The following RORA variants were observed in gnomAD, a reference collection of about 807,000 sequenced individuals.
The protein encoded by RORA is nuclear receptor ROR-alpha.
A neutral mutation model predicts 69.5 loss-of-function variants in RORA; 7 were observed. That is an observed-to-expected ratio of 0.10 (90% CI 0.06 to 0.19). The LOEUF is 0.19. Among genes scored for constraint, RORA ranks in the 10% least tolerant of loss-of-function variants. RORA has a pLI of 1.00. For missense variants in RORA, 457 were observed against 663.0 expected (o/e 0.69, Z 3.41); for synonymous variants, 261 against 240.8 (o/e 1.08, Z -0.78).
chr15:61,013,158 T>C (rs1220961215), intron 1 of RORA, among the ~76,000 whole-genome samples: 3 of 152,236 alleles, frequency 2.0e-5, no homozygotes, highest in Non-Finnish European at 4.4e-5. Flanking sequence ...TCACTTTACT[T>C]TTCTGAGCCT....
chr15:61,023,801 CTTCCTT>C (rs1274896688), intron 1 of RORA, among the ~76,000 whole-genome samples: 1 of 152,216 alleles, frequency 6.6e-6, no homozygotes, highest in Non-Finnish European at 1.5e-5. Context: ...ATCCCAACTT[CTTCCTT>C]TTCATCATTT....
rs143028006 is a variant in RORA, at chr15:60,842,438, G to A, written c.167-163752C>T. Among the ~76,000 whole-genome samples, 965 of 152,242 alleles carry A rather than the reference G, an allele frequency of 6.3e-3. 12 individuals are homozygous for A. The highest frequency in any genetic ancestry group is 0.022 in the African/African-American group (919 of 41,530). ...CAAAGCTACCATTTATGATTTATGG[G>A]CCACTTAGTACACATCAGATACAGC... On this transcript the variant is annotated intron_variant, in intron 1 of 10. Coordinates refer to ENST00000335670, the MANE Select transcript of RORA (RefSeq NM_134261.3).
intron 5 of RORA, 55 bp from the exon 6 acceptor site, chr15:60,505,684 G>C (rs2065477731): frequency 1.3e-6 from 2 of 1,590,310 alleles, no homozygotes; most frequent in Non-Finnish European, 1.7e-6. Context: ...TTGAATAATT[G>C]GTGATTTAAT....
At chr15:60,896,389 T>C (rs1342250496) in intron 1 of RORA, among the ~76,000 whole-genome samples, 3 of 152,262 alleles carry the variant, frequency 2.0e-5, no homozygotes, top group Non-Finnish European at 4.4e-5. Flanking sequence ...CCCTTGGTTA[T>C]AGACTGCATT....
chr15:60,828,181 G>A (rs546378021), intron 1 of RORA, among the ~76,000 whole-genome samples: 2 of 152,286 alleles, frequency 1.3e-5, no homozygotes, highest in East Asian at 3.9e-4. Flanking sequence ...GTAGCTGTGA[G>A]GAGCAGGAGG....
intron 1 of RORA, among the ~76,000 whole-genome samples, chr15:61,206,761 T>G (rs1189081926): frequency 6.6e-6 from 1 of 152,158 alleles, no homozygotes; most frequent in Non-Finnish European, 1.5e-5. Flanking sequence ...AGCAGCCCTC[T>G]CTGCCCAGTT....
chr15:60,557,175 T>C (rs993959058), intron 2 of RORA, among the ~76,000 whole-genome samples: 2 of 152,258 alleles, frequency 1.3e-5, no homozygotes, highest in African/African-American at 2.4e-5. Flanking sequence ...CCACCTGTAG[T>C]ACTCTCTGCT....
intron 1 of RORA, among the ~76,000 whole-genome samples, chr15:61,165,144 T>C (rs1172140374): frequency 6.6e-6 from 1 of 152,156 alleles, no homozygotes; most frequent in East Asian, 1.9e-4. Flanking sequence ...AAAACACTTG[T>C]TTCATTCTTT....
intron 1 of RORA, among the ~76,000 whole-genome samples, chr15:60,925,062 G>C (rs1474370995): frequency 6.6e-6 from 1 of 151,406 alleles, no homozygotes; most frequent in Non-Finnish European, 1.5e-5. Context: ...CTGGGTGACA[G>C]AGCAAGCTTC....
rs181190055 is a variant in RORA at position 60,970,449 on chromosome 15, A to G, written c.166+258604T>C. 7.2e-5 allele frequency among the ~76,000 whole-genome samples: 11 copies of G among 152,292 alleles called. No homozygotes were observed. In the East Asian group the frequency reaches 2.1e-3, roughly 29 times the overall value. On this transcript the variant is annotated intron_variant, in intron 1 of 10. Coordinates refer to ENST00000335670, the MANE Select transcript of RORA (RefSeq NM_134261.3). ...GTCCCCACTGCGTGCCAGGCATTGT[A>G]TGAGGTCCTGGGGATATAGAATGCA...
chr15:60,919,305 C>T (rs916727046), intron 1 of RORA, among the ~76,000 whole-genome samples: 3 of 152,152 alleles, frequency 2.0e-5, no homozygotes, highest in African/African-American at 7.2e-5. Context: ...CTGCAGGAGA[C>T]CCCTCGTTTA....
At chr15:60,673,868 G>A (rs2070511869) in intron 2 of RORA, among the ~76,000 whole-genome samples, 1 of 152,186 alleles carries the variant, frequency 6.6e-6, no homozygotes, top group Non-Finnish European at 1.5e-5. Flanking sequence ...CCCTTAAGAG[G>A]CCAGCACCTG....
intron 2 of RORA, among the ~76,000 whole-genome samples, chr15:60,565,389 G>A (rs1404197225): frequency 6.6e-6 from 1 of 152,168 alleles, no homozygotes; most frequent in African/African-American, 2.4e-5. Context: ...TATGTAATCT[G>A]TTTTCATGTA....
intron 1 of RORA, among the ~76,000 whole-genome samples, chr15:60,932,214 G>C (rs1004817243): frequency 6.6e-5 from 10 of 152,128 alleles, no homozygotes; most frequent in African/African-American, 2.2e-4. Flanking sequence ...GACCTGAGAA[G>C]GTGGGGTTGC....
At chr15:61,070,200 A>G (rs1215257990) in intron 1 of RORA, among the ~76,000 whole-genome samples, 1 of 152,196 alleles carries the variant, frequency 6.6e-6, no homozygotes, top group Non-Finnish European at 1.5e-5. Context: ...CTCAAATACA[A>G]AAATGGCGAC....
At chr15:60,672,763 G>A (rs576600358) in intron 2 of RORA, among the ~76,000 whole-genome samples, 1 of 152,180 alleles carries the variant, frequency 6.6e-6, no homozygotes, top group African/African-American at 2.4e-5. Context: ...AATAATGCAC[G>A]TAAAGCATTA....
intron 1 of RORA, among the ~76,000 whole-genome samples, chr15:60,981,041 A>G (rs1894029665): frequency 6.6e-6 from 1 of 150,548 alleles, no homozygotes; most frequent in Non-Finnish European, 1.5e-5. Flanking sequence ...AGGTTTCTTA[A>G]CTTCTCATTC....
At chr15:60,656,685 C>T (rs1480454228) in intron 2 of RORA, among the ~76,000 whole-genome samples, 2 of 152,134 alleles carry the variant, frequency 1.3e-5, no homozygotes, top group African/African-American at 4.8e-5. Flanking sequence ...CAGAGCCAGA[C>T]CACACAATGC....
intron 5 of RORA, among the ~76,000 whole-genome samples, chr15:60,506,749 G>A (rs576680662): frequency 6.6e-6 from 1 of 152,212 alleles, no homozygotes; most frequent in African/African-American, 2.4e-5. Flanking sequence ...CTACTTGAGA[G>A]GCTGAGGCAG....
Sources: gnomAD v4.1 joint callset for allele counts (sites outside exome capture counted in the v4.1 genomes callset) on GRCh38, gnomAD v4.1.1 for gene constraint, MANE v1.5 for transcripts, NCBI Gene and HGNC (gene_info 2026-07-23, HGNC 2026-07-21) for gene names.